Variants in DYM observed in about 807,000 individuals in gnomAD.
The protein encoded by DYM is dymeclin, also known as dyggve-Melchior-Clausen syndrome protein.
Under a neutral mutation model 93.1 loss-of-function variants are expected in DYM, and 78 were observed. The observed-to-expected ratio is 0.84, with a 90% CI of 0.70 to 1.01. The LOEUF is 1.01. Ranked by LOEUF, DYM falls within the 50% of genes least tolerant of loss-of-function variation. The pLI is 0.00. For synonymous variants in DYM, 321 were observed against 319.7 expected (o/e 1.00, Z -0.04); for missense variants, 789 against 845.0 (o/e 0.93, Z 0.82).
At chr18:49,381,759 G>T (rs1426389710) in intron 3 of DYM, among the ~76,000 whole-genome samples, 1 of 152,148 alleles carries the variant, frequency 6.6e-6, no homozygotes, top group African/African-American at 2.4e-5. Flanking sequence ...TCAATCAGCG[G>T]AGTTTTTATC....
intron 13 of DYM, among the ~76,000 whole-genome samples, chr18:49,252,216 C>CAACAAAAAAAAAAA (rs2094304305): frequency 3.7e-5 from 1 of 27,230 alleles, no homozygotes; most frequent in Non-Finnish European, 5.4e-5. Flanking sequence ...AGACTTGCCT[C>CAACAAAAAAAAAAA]AAAAAAAAAA....
rs373466340 is a variant in DYM, at chr18:49,386,036, T to A, written c.193+5557A>T. Among the ~76,000 whole-genome samples the A allele has an allele frequency of 2.1e-4, 32 of 152,192 alleles. No individual in the cohort carries two copies. The South Asian group carries it at 6.4e-3, about 31-fold the overall frequency. ...TATGTTGCCCAGGCTGGCATCTAACTCTCGGCCTCAAGCAATCTTCCTGCC... is the reference window on the plus strand; with the variant it reads ...TATGTTGCCCAGGCTGGCATCTAACACTCGGCCTCAAGCAATCTTCCTGCC... On this transcript the variant is annotated intron_variant, in intron 3 of 17. Transcript: ENST00000675505.
chr18:49,288,755 G>C (rs932001179), intron 8 of DYM, among the ~76,000 whole-genome samples: 8 of 151,848 alleles, frequency 5.3e-5, no homozygotes, highest in African/African-American at 1.9e-4. Flanking sequence ...ACTCCAGCCT[G>C]GGCGACAGAG....
At chr18:49,412,100 TCA>T (rs1386103476) in intron 2 of DYM, among the ~76,000 whole-genome samples, 3 of 152,128 alleles carry the variant, frequency 2.0e-5, no homozygotes, top group Non-Finnish European at 2.9e-5. Flanking sequence ...TTCATGTGAT[TCA>T]CAGACAATCG....
At chr18:49,300,980 G>A (rs557208487) in intron 8 of DYM, among the ~76,000 whole-genome samples, 6 of 152,078 alleles carry the variant, frequency 3.9e-5, no homozygotes, top group Non-Finnish European at 8.8e-5. Context: ...TATGGAGCAC[G>A]GTGCCTCAAA....
intron 15 of DYM, among the ~76,000 whole-genome samples, chr18:49,128,084 G>A (rs1299035079): frequency 6.6e-6 from 1 of 152,228 alleles, no homozygotes; most frequent in Non-Finnish European, 1.5e-5. Flanking sequence ...GAGAACTGTG[G>A]CTGCTAGGGT....
intron 11 of DYM, among the ~76,000 whole-genome samples, chr18:49,271,795 C>T (rs1197317442): frequency 6.6e-6 from 1 of 151,634 alleles, no homozygotes; most frequent in Non-Finnish European, 1.5e-5. Flanking sequence ...ATATATAAAA[C>T]AATGGATTTC....
chr18:49,297,413 T>C (rs1442472814), intron 8 of DYM, among the ~76,000 whole-genome samples: 1 of 152,102 alleles, frequency 6.6e-6, no homozygotes, highest in Non-Finnish European at 1.5e-5. Context: ...TCCTCAGTGG[T>C]TGGGAAGGCA....
At chr18:49,134,522 C>G (rs1282284984) in intron 15 of DYM, among the ~76,000 whole-genome samples, 1 of 152,164 alleles carries the variant, frequency 6.6e-6, no homozygotes, top group Non-Finnish European at 1.5e-5. Context: ...AAAACGAATG[C>G]TGTCTTGATT....
In DYM at chr18:49,037,833, C is replaced by A. The variant is rs1168714658; in HGVS notation, c.*6222G>T. Among the ~76,000 whole-genome samples, 3 of 152,006 alleles carry A rather than the reference C, an allele frequency of 2.0e-5. No individual in the cohort carries two copies. The highest frequency in any genetic ancestry group is 4.4e-5 in the Non-Finnish European group (3 of 67,984). On this transcript the variant is annotated 3_prime_UTR_variant, in exon 18 of 18. Coordinates refer to ENST00000675505, the MANE Select transcript of DYM (RefSeq NM_001353214.3). ...TGAAGTATTTTCAGGTTTGTTGAGA[C>A]TTTTTTTCTGAGACAGGGTCTTGCT...
intron 13 of DYM, among the ~76,000 whole-genome samples, chr18:49,238,791 CAAA>C (rs796615887): frequency 2.1e-5 from 2 of 93,952 alleles, no homozygotes. Flanking sequence ...GACTCCGTCT[CAAA>C]AAAAAAAAAA....
intron 15 of DYM, among the ~76,000 whole-genome samples, chr18:49,123,208 G>T (rs549612817): frequency 1.3e-5 from 2 of 151,644 alleles, no homozygotes; most frequent in Non-Finnish European, 2.9e-5. Context: ...GTTAATTTCC[G>T]CATGTATTTT....
chr18:49,096,531 T>C (rs938086588), intron 17 of DYM, among the ~76,000 whole-genome samples: 4 of 152,162 alleles, frequency 2.6e-5, no homozygotes, highest in African/African-American at 7.2e-5. Flanking sequence ...GTGTTGGTAA[T>C]TTAGGTGAAA....
At chr18:49,218,951 A>G (rs2093212728) in intron 13 of DYM, among the ~76,000 whole-genome samples, 1 of 152,226 alleles carries the variant, frequency 6.6e-6, no homozygotes, top group African/African-American at 2.4e-5. Flanking sequence ...CCTTCAAAAA[A>G]TTAATGAATT....
At chr18:49,451,947 G>A (rs2148703927) in intron 1 of DYM, among the ~76,000 whole-genome samples, 1 of 152,292 alleles carries the variant, frequency 6.6e-6, no homozygotes, top group South Asian at 2.1e-4. Context: ...CAAAAATCTG[G>A]ATACCTTGGC....
At chr18:49,143,582 G>C (rs1247300004) in intron 15 of DYM, among the ~76,000 whole-genome samples, 9 of 152,024 alleles carry the variant, frequency 5.9e-5, no homozygotes, top group African/African-American at 2.2e-4. Flanking sequence ...GTTAAGTAAG[G>C]TCAAGGTCAC....
chr18:49,272,123 T>G lies in DYM; in HGVS notation c.1251+55A>C. The G allele has an allele frequency of 2.0e-6, 3 of 1,536,112 alleles. No homozygotes were observed. The South Asian group carries it at 3.4e-5, about 17-fold the overall frequency. On this transcript the variant is annotated intron_variant, in intron 11 of 17. Coordinates refer to ENST00000675505, the MANE Select transcript of DYM (RefSeq NM_001353214.3). ...AATGTAAAGACTAGTAAATCTTACG[T>G]AGGGACATGTCTGTTCTGTTAACTC...
chr18:49,288,909 A>C (rs1389578840), intron 8 of DYM, among the ~76,000 whole-genome samples: 1 of 152,238 alleles, frequency 6.6e-6, no homozygotes, highest in Non-Finnish European at 1.5e-5. Context: ...AGTGTAAATA[A>C]AACATTTCTA....
chr18:49,263,878 A>G (rs951583983), intron 11 of DYM, among the ~76,000 whole-genome samples: 47 of 152,240 alleles, frequency 3.1e-4, no homozygotes, highest in Admixed American at 2.6e-3. Context: ...CATACTAGCT[A>G]CATTTCAGGT....
Sources: gnomAD v4.1 joint callset for allele counts (sites outside exome capture counted in the v4.1 genomes callset) on GRCh38, gnomAD v4.1.1 for gene constraint, MANE v1.5 for transcripts, NCBI Gene and HGNC (gene_info 2026-07-23, HGNC 2026-07-21) for gene names.